Variants in DTNA observed in about 807,000 individuals in gnomAD.
DTNA encodes dystrophin-related protein 3.
A neutral mutation model predicts 100.7 loss-of-function variants in DTNA; 43 were observed. The observed-to-expected ratio is 0.43, with a 90% CI of 0.33 to 0.55. DTNA has a LOEUF of 0.55. Among genes scored for constraint, DTNA ranks in the 20% least tolerant of loss-of-function variants. The pLI, the probability that DTNA is intolerant of heterozygous loss-of-function variation, is 0.04. For missense variants in DTNA, 798 were observed against 953.9 expected (o/e 0.84, Z 2.15); for synonymous variants, 349 against 347.9 (o/e 1.00, Z -0.04).
At position 34,780,687 on chromosome 18, in the gene DTNA, C is replaced by T. The variant is rs111362461; in HGVS notation, c.149-13350C>T. Among the ~76,000 whole-genome samples, 964 of 152,122 alleles carry T rather than the reference C, an allele frequency of 6.3e-3. 15 individuals carry two copies. Among genetic ancestry groups the T allele is most frequent in the African/African-American group, 0.022 (904 of 41,502 alleles). Reference sequence around the variant, plus strand: ...CATTTATTGTTCTGGGAGGATTCAGCCAGGAATAGACAGAGACTTTATTAG... The same window carrying T: ...CATTTATTGTTCTGGGAGGATTCAGTCAGGAATAGACAGAGACTTTATTAG... On this transcript the variant is annotated intron_variant, in intron 3 of 22. Transcript: ENST00000444659.
intron 11 of DTNA, among the ~76,000 whole-genome samples, chr18:34,831,354 A>G (rs2096004670): frequency 6.6e-6 from 1 of 152,228 alleles, no homozygotes; most frequent in South Asian, 2.1e-4. Context: ...TATAACATCT[A>G]GCCAGGTCTT....
At chr18:34,552,712 A>C (rs1432695925) in intron 1 of DTNA, among the ~76,000 whole-genome samples, 1 of 151,434 alleles carries the variant, frequency 6.6e-6, no homozygotes, top group Non-Finnish European at 1.5e-5. Flanking sequence ...TGAACTCATC[A>C]TTTTTTATGG....
intron 1 of DTNA, among the ~76,000 whole-genome samples, chr18:34,547,183 A>G (rs751301132): frequency 6.0e-4 from 92 of 152,076 alleles, no homozygotes; most frequent in Non-Finnish European, 9.6e-4. Flanking sequence ...TCTGCTTTTT[A>G]TAAGTTTGAT....
intron 16 of DTNA, among the ~76,000 whole-genome samples, chr18:34,862,877 G>A (rs551311053): frequency 1.9e-4 from 29 of 152,312 alleles, no homozygotes; most frequent in Non-Finnish European, 3.7e-4. Flanking sequence ...TTTCAATTGA[G>A]TGAGTCATTG....
chr18:34,737,419 T>C (rs2147581248), intron 1 of DTNA, among the ~76,000 whole-genome samples: 1 of 152,332 alleles, frequency 6.6e-6, no homozygotes, highest in African/African-American at 2.4e-5. Flanking sequence ...CTCTTAGAAA[T>C]ATATTTGAAG....
chr18:34,597,631 A>G (rs2050902152), intron 1 of DTNA, among the ~76,000 whole-genome samples: 1 of 152,214 alleles, frequency 6.6e-6, no homozygotes, highest in African/African-American at 2.4e-5. Context: ...AAGGTCCATC[A>G]CAAAGCCTCG....
chr18:34,830,421 G>C (rs2095978063), intron 11 of DTNA, among the ~76,000 whole-genome samples: 1 of 152,098 alleles, frequency 6.6e-6, no homozygotes, highest in Non-Finnish European at 1.5e-5. Context: ...TATTCACCTA[G>C]GGCCCTTCAC....
In DTNA at chr18:34,668,469, T is replaced by G. The variant is rs2076262904; in HGVS notation, c.-1-87507T>G. Among the ~76,000 whole-genome samples the G allele has an allele frequency of 2.0e-5, 3 of 152,258 alleles. No homozygotes were observed. The South Asian group carries it at 6.2e-4, about 32-fold the overall frequency. ...TAGTTATTTCTTGCCTTCTGCTAGC[T>G]TTTGAATGTGTTTGCTCTTGTTTCT... On this transcript the variant is annotated intron_variant, in intron 1 of 19. Transcript: ENST00000283365.
At position 34,498,545 on chromosome 18, in the gene DTNA, C is replaced by G. The variant is rs117503350; in HGVS notation, c.-2+5031C>G. On this transcript the variant is annotated intron_variant, in intron 1 of 19. Transcript: ENST00000283365. Reference sequence around the variant, plus strand: ...AGTAGACTTATCAATAACTGATGCTCTCACTCTTTTCCAGTGAGAGTTGTA... The same window carrying G: ...AGTAGACTTATCAATAACTGATGCTGTCACTCTTTTCCAGTGAGAGTTGTA... Among the ~76,000 whole-genome samples the G allele has an allele frequency of 1.1e-3, 167 of 151,682 alleles. 7 individuals carry two copies. In the East Asian group the frequency reaches 0.029, roughly 26 times the overall value.
At chr18:34,686,832 T>C (rs914980840) in intron 1 of DTNA, among the ~76,000 whole-genome samples, 4 of 152,142 alleles carry the variant, frequency 2.6e-5, no homozygotes, top group Admixed American at 2.6e-4. Context: ...GAATTTGTTA[T>C]TGGTCTGTTC....
chr18:34,855,170 G>T (rs1193730380), intron 15 of DTNA, among the ~76,000 whole-genome samples: 1 of 152,156 alleles, frequency 6.6e-6, no homozygotes, highest in Non-Finnish European at 1.5e-5. Context: ...ACACTTGCCA[G>T]GCTAGCACTG....
intron 1 of DTNA, among the ~76,000 whole-genome samples, chr18:34,632,011 A>T (rs188517811): frequency 6.6e-6 from 1 of 152,318 alleles, no homozygotes; most frequent in East Asian, 1.9e-4. Context: ...AAAAATTATT[A>T]TCTTGGTGTC....
intron 1 of DTNA, among the ~76,000 whole-genome samples, chr18:34,659,749 AG>A (rs934717638): frequency 9.9e-5 from 15 of 152,266 alleles, no homozygotes; most frequent in African/African-American, 3.6e-4. Flanking sequence ...CCCTTTCTGA[AG>A]GAGCATGTGA....
At chr18:34,727,925 T>G (rs2087097795) in intron 1 of DTNA, among the ~76,000 whole-genome samples, 1 of 152,152 alleles carries the variant, frequency 6.6e-6, no homozygotes. Flanking sequence ...AAATGCCATC[T>G]ACTATCTAAT....
intron 1 of DTNA, among the ~76,000 whole-genome samples, chr18:34,633,546 A>G (rs928989175): frequency 1.3e-5 from 2 of 152,164 alleles, no homozygotes; most frequent in Non-Finnish European, 2.9e-5. Context: ...ACAGAAAAGC[A>G]GGCAGGTCGG....
intron 1 of DTNA, among the ~76,000 whole-genome samples, chr18:34,626,310 A>G (rs1454047421): frequency 6.6e-6 from 1 of 152,188 alleles, no homozygotes; most frequent in Non-Finnish European, 1.5e-5. Flanking sequence ...GAGTAGATGA[A>G]AAACAGAGAT....
intron 16 of DTNA, among the ~76,000 whole-genome samples, chr18:34,862,229 C>A (rs892025879): frequency 6.6e-6 from 1 of 150,990 alleles, no homozygotes; most frequent in Non-Finnish European, 1.5e-5. Flanking sequence ...ATGCTTCAAC[C>A]CAGGAAGACA....
chr18:34,743,911 C>T (rs942618411), intron 1 of DTNA, among the ~76,000 whole-genome samples: 4 of 152,022 alleles, frequency 2.6e-5, no homozygotes, highest in Non-Finnish European at 4.4e-5. Flanking sequence ...CCTCATCTGC[C>T]GTTGACCCTC....
At chr18:34,630,491 G>A (rs2057936432) in intron 1 of DTNA, among the ~76,000 whole-genome samples, 1 of 152,278 alleles carries the variant, frequency 6.6e-6, no homozygotes, top group Middle Eastern at 3.4e-3. Flanking sequence ...GAAGAGTTGG[G>A]AATAGTGATG....
Sources: gnomAD v4.1 joint callset for allele counts (sites outside exome capture counted in the v4.1 genomes callset) on GRCh38, gnomAD v4.1.1 for gene constraint, MANE v1.5 for transcripts, NCBI Gene and HGNC (gene_info 2026-07-23, HGNC 2026-07-21) for gene names.